The following LZTS1 variants were observed in gnomAD, a reference collection of about 807,000 sequenced individuals.
The protein encoded by LZTS1 is leucine zipper putative tumor suppressor 1.
LZTS1 carries 31 observed loss-of-function variants against 45.8 expected under a neutral mutation model. That is an observed-to-expected ratio of 0.68 (90% confidence interval 0.51 to 0.91). The LOEUF (loss-of-function observed/expected upper bound fraction) is 0.91. LZTS1 is among the 40% of genes least tolerant of loss of function. The pLI is 0.00. For synonymous variants in LZTS1, 359 were observed against 357.3 expected (o/e 1.00, Z -0.05); for missense variants, 821 against 788.9 (o/e 1.04, Z -0.49).
At chr8:20,273,719 TGTCTTA>T in intron 1 of LZTS1, among the ~76,000 whole-genome samples, 1 of 152,276 alleles carries the variant, frequency 6.6e-6, no homozygotes, top group African/African-American at 2.4e-5. Context: ...CCATAGCCAC[TGTCTTA>T]GTCTAAGTTG....
rs1034234288 is a variant in LZTS1 at position 20,303,702 on chromosome 8, C to G, written c.-135+38G>C. 5 of 985,542 alleles carry G rather than the reference C, an allele frequency of 5.1e-6. No homozygotes were observed. The South Asian group carries it at 2.3e-4, about 46-fold the overall frequency. The allele number at this position is 985,542 out of a possible 1,614,324, so 61.0% of individuals were successfully genotyped here. ...TTTCCCGCAGCCAGGGCAGCAGACC[C>G]TCCAGGGGCGAGGAGATCCCCGGCC... On this transcript the variant is annotated intron_variant, in intron 1 of 3. Coordinates refer to ENST00000381569, the MANE Select transcript of LZTS1 (RefSeq NM_021020.5).
intron 1 of LZTS1, chr8:20,289,931 ATTTC>A (rs912201089): frequency 1.3e-5 from 2 of 152,196 alleles, no homozygotes; most frequent in African/African-American, 4.8e-5. Context: ...CCACTGCGTA[ATTTC>A]GAGAGGGAGG....
At chr8:20,270,594 A>T (rs897120107) in intron 1 of LZTS1, among the ~76,000 whole-genome samples, 4 of 152,072 alleles carry the variant, frequency 2.6e-5, no homozygotes, top group East Asian at 3.9e-4. Context: ...CCTCTGCCAT[A>T]CCCAGGAGGG....
At chr8:20,263,114 G>A (rs1585285384) in intron 1 of LZTS1, among the ~76,000 whole-genome samples, 5 of 152,190 alleles carry the variant, frequency 3.3e-5, no homozygotes, top group Non-Finnish European at 5.9e-5. Flanking sequence ...TCTCTGAGAT[G>A]CTCTGTTGAT....
intron 1 of LZTS1, chr8:20,275,850 A>G (rs1800569831): frequency 6.6e-6 from 1 of 152,256 alleles, no homozygotes; most frequent in African/African-American, 2.4e-5. Context: ...TTTTTTGCAG[A>G]TGTCACGTGC....
At chr8:20,253,619 T>C (rs1434623548) in intron 2 of LZTS1, 34 bp from the exon 3 acceptor site, 2 of 1,411,152 alleles carry the variant, frequency 1.4e-6, no homozygotes, top group Non-Finnish European at 1.9e-6. Flanking sequence ...GACTCATGCC[T>C]CCCCTGCGCG....
Position 20,252,944 on chromosome 8 carries a change from C to A in LZTS1, c.987G>T (p.Gln329His). The A allele has an allele frequency of 6.2e-7, 1 of 1,600,128 alleles. No homozygotes were observed. Among genetic ancestry groups the A allele is most frequent in the Admixed American group, 1.7e-5 (1 of 58,270 alleles). ...QASQKSQRAQ[Q>H]VLHLQVLQLQ... ...GCTGCAGTACCTGCAGGTGCAGGACCTGCTGCGCGCGCTGGCTCTTCTGCG... is the reference window on the plus strand; with the variant it reads ...GCTGCAGTACCTGCAGGTGCAGGACATGCTGCGCGCGCTGGCTCTTCTGCG... Residue 329 changes from glutamine (Q) to histidine (H), a missense_variant, in exon 3 of 4, where the codon CAG becomes CAT. Transcript: ENST00000381569.
At chr8:20,257,886 C>G (rs1273702393) in intron 1 of LZTS1, among the ~76,000 whole-genome samples, 2 of 152,072 alleles carry the variant, frequency 1.3e-5, no homozygotes, top group Non-Finnish European at 2.9e-5. Context: ...GTTGGCCAGG[C>G]TGGTCTCGAA....
chr8:20,303,510 G>A (rs1801117311), intron 1 of LZTS1, among the ~76,000 whole-genome samples: 1 of 152,234 alleles, frequency 6.6e-6, no homozygotes, highest in African/African-American at 2.4e-5. Context: ...CAGACGCACA[G>A]TCACCTCCTC....
intron 1 of LZTS1, chr8:20,290,128 A>G (rs1310468831): frequency 2.0e-5 from 3 of 152,222 alleles, no homozygotes. Flanking sequence ...TGGTGGAGAC[A>G]CTGCCTTCTC....
At chr8:20,254,082 G>T (rs1179156420) in intron 2 of LZTS1, among the ~76,000 whole-genome samples, 1 of 152,166 alleles carries the variant, frequency 6.6e-6, no homozygotes, top group Non-Finnish European at 1.5e-5. Flanking sequence ...CTGGTAGAGT[G>T]CTTCACAGTT....
chr8:20,249,560 G>T lies in LZTS1; in HGVS notation c.*162C>A. 1 of 825,640 alleles carries T rather than the reference G, an allele frequency of 1.2e-6. No homozygotes were observed. The highest frequency in any genetic ancestry group is 1.8e-6 in the Non-Finnish European group (1 of 543,004). 51.1% of individuals were successfully genotyped at this position (825,640 alleles called of 1,614,324 possible). On this transcript the variant is annotated 3_prime_UTR_variant, in exon 4 of 4. Coordinates refer to ENST00000381569, the MANE Select transcript of LZTS1 (RefSeq NM_021020.5). ...GGCTGGTGAGCACTGGGACATCAGA[G>T]AGGGAAGGAAAGGCCATCCTGCCCT...
At position 20,253,397 on chromosome 8, in the gene LZTS1, G is replaced by A; in HGVS notation, c.534C>T (p.Ser178=). Residue 178 remains serine (S), a synonymous_variant, in exon 3 of 4, where the codon TCC becomes TCT. Coordinates refer to ENST00000381569, the MANE Select transcript of LZTS1 (RefSeq NM_021020.5). ...SGALSDSGRN[S]MSSLPTHSTS... ...TGCTGTGTGTGGGCAGGCTGGACATGGAGTTCCGGCCGGAGTCTGACAGCG... is the reference window on the plus strand; with the variant it reads ...TGCTGTGTGTGGGCAGGCTGGACATAGAGTTCCGGCCGGAGTCTGACAGCG... 6.2e-7 allele frequency: 1 copy of A among 1,612,420 alleles called. No individual in the cohort carries two copies. Among genetic ancestry groups the A allele is most frequent in the Non-Finnish European group, 8.5e-7 (1 of 1,179,008 alleles).
At chr8:20,270,932 A>G (rs1170181394) in intron 1 of LZTS1, among the ~76,000 whole-genome samples, 1 of 151,986 alleles carries the variant, frequency 6.6e-6, no homozygotes, top group African/African-American at 2.4e-5. Context: ...AGGAAGCCCC[A>G]GCAGGAAGCA....
intron 1 of LZTS1, among the ~76,000 whole-genome samples, chr8:20,283,170 C>A: frequency 6.6e-6 from 1 of 152,140 alleles, no homozygotes; most frequent in East Asian, 1.9e-4. Context: ...GGAACTGTCT[C>A]ATGAGAAAGG....
intron 1 of LZTS1, among the ~76,000 whole-genome samples, chr8:20,281,823 C>T (rs1288580266): frequency 6.6e-6 from 1 of 152,162 alleles, no homozygotes; most frequent in African/African-American, 2.4e-5. Context: ...GCCAAATAAA[C>T]CTCTCTTCTG....
intron 1 of LZTS1, among the ~76,000 whole-genome samples, chr8:20,277,237 G>A (rs1199205810): frequency 2.0e-5 from 3 of 152,208 alleles, no homozygotes; most frequent in Non-Finnish European, 4.4e-5. Flanking sequence ...ATTCCCAGCA[G>A]TGCCTTGGCA....
intron 1 of LZTS1, among the ~76,000 whole-genome samples, chr8:20,283,302 C>T (rs1054591182): frequency 1.5e-4 from 23 of 152,158 alleles, no homozygotes; most frequent in African/African-American, 5.5e-4. Context: ...GAGGGTGGAG[C>T]CCTCATAAAT....
chr8:20,295,164 G>A (rs755926275), intron 1 of LZTS1, among the ~76,000 whole-genome samples: 2 of 151,812 alleles, frequency 1.3e-5, no homozygotes, highest in Non-Finnish European at 2.9e-5. Context: ...CCCGATGTGA[G>A]AACCGATTCT....
Sources: allele counts gnomAD v4.1 joint callset (sites outside exome capture counted in the v4.1 genomes callset), GRCh38; gene constraint gnomAD v4.1.1; transcripts MANE v1.5; gene names NCBI Gene and HGNC (gene_info 2026-07-23, HGNC 2026-07-21).